Variants in RAB8B observed in about 807,000 individuals in gnomAD.
RAB8B encodes ras-related protein Rab-8B.
A neutral mutation model predicts 32.0 loss-of-function variants in RAB8B; 11 were observed. The observed-to-expected ratio is 0.34, with a 90% CI of 0.22 to 0.57. The LOEUF (loss-of-function observed/expected upper bound fraction) is 0.57, where lower values mean the gene tolerates loss of function less well. RAB8B is among the 20% of genes least tolerant of loss of function. The pLI is 0.86. For missense variants in RAB8B, 190 were observed against 258.5 expected, an observed-to-expected ratio of 0.73 and a Z score of 1.82; for synonymous variants, 103 against 89.6, an observed-to-expected ratio of 1.15 and a Z score of -0.85.
rs188209812 is a variant in RAB8B at position 63,208,195 on chromosome 15, T to A, written c.124+18447T>A. Among the ~76,000 whole-genome samples the A allele has an allele frequency of 2.3e-3, 354 of 152,322 alleles. 3 individuals are homozygous for A. Among genetic ancestry groups the A allele is most frequent in the African/African-American group, 8.3e-3 (344 of 41,564 alleles). On this transcript the variant is annotated intron_variant, in intron 1 of 7. Transcript: ENST00000321437. ...GTGTGGCTTCAGCTATATCTCTCTC[T>A]GTTTTTTACAGGAATCCTAAACTCT... is the stretch of plus-strand genomic sequence containing the variant.
At chr15:63,233,042 T>C (rs1386776402) in intron 1 of RAB8B, among the ~76,000 whole-genome samples, 1 of 132,574 alleles carries the variant, frequency 7.5e-6, no homozygotes, top group African/African-American at 2.7e-5. Context: ...TTTTTTTCAA[T>C]CTAAGTAGCA....
At chr15:63,263,410 A>C (rs984739047) in intron 7 of RAB8B, 117 bp from the exon 8 acceptor site, 2 of 513,062 alleles carry the variant, frequency 3.9e-6, no homozygotes, top group Admixed American at 7.1e-5. Context: ...TAGTGAATAC[A>C]CATTTCACTA....
chr15:63,191,429 T>C (rs767035286), intron 1 of RAB8B, among the ~76,000 whole-genome samples: 1 of 152,210 alleles, frequency 6.6e-6, no homozygotes, highest in Non-Finnish European at 1.5e-5. Flanking sequence ...TGTCTGGGCT[T>C]AGGGAAGTTT....
intron 1 of RAB8B, among the ~76,000 whole-genome samples, chr15:63,202,277 C>G (rs902501590): frequency 3.7e-5 from 3 of 81,858 alleles, no homozygotes; most frequent in Non-Finnish European, 8.0e-5. Context: ...GACTCCGTCT[C>G]AAAAAGAAAA....
intron 3 of RAB8B, among the ~76,000 whole-genome samples, chr15:63,252,569 G>T (rs1050920955): frequency 4.8e-5 from 7 of 147,202 alleles, no homozygotes; most frequent in Non-Finnish European, 7.6e-5. Context: ...TGTTCATACA[G>T]TCCAAAGGAT....
intron 1 of RAB8B, among the ~76,000 whole-genome samples, chr15:63,211,430 C>T (rs1041712117): frequency 6.6e-6 from 1 of 152,188 alleles, no homozygotes; most frequent in Non-Finnish European, 1.5e-5. Flanking sequence ...CACCATCTCT[C>T]TCATTGAGAT....
At chr15:63,198,419 A>G (rs1330210137) in intron 1 of RAB8B, among the ~76,000 whole-genome samples, 1 of 152,054 alleles carries the variant, frequency 6.6e-6, no homozygotes, top group Non-Finnish European at 1.5e-5. Context: ...GCTTGTTATC[A>G]TGTTCATCGT....
chr15:63,266,279 T>G lies in RAB8B; in HGVS notation c.*2660T>G, dbSNP rs1352914051. ...TTGGACTAGACCTTTTCAAATAGAG[T>G]CTGAGGGTATCAGACAGTGAAAATG... On this transcript the variant is annotated 3_prime_UTR_variant, in exon 8 of 8. Coordinates refer to ENST00000321437, the MANE Select transcript of RAB8B (RefSeq NM_016530.3). 6.6e-6 allele frequency: 1 copy of G among 152,476 alleles called. No homozygotes were observed. The highest frequency in any genetic ancestry group is 1.5e-5 in the Non-Finnish European group (1 of 67,962). The allele number at this position is 152,476 out of a possible 1,614,324, so 9.4% of individuals were successfully genotyped here.
chr15:63,223,363 C>T (rs966456918), intron 1 of RAB8B, among the ~76,000 whole-genome samples: 2 of 151,970 alleles, frequency 1.3e-5, no homozygotes, highest in African/African-American at 4.8e-5. Context: ...CCACTTGCCT[C>T]GGCCCCAAAG....
At chr15:63,233,758 G>T (rs1370844407) in intron 1 of RAB8B, among the ~76,000 whole-genome samples, 1 of 152,168 alleles carries the variant, frequency 6.6e-6, no homozygotes, top group African/African-American at 2.4e-5. Context: ...TATTCAGATA[G>T]CCTGGGATCA....
intron 1 of RAB8B, among the ~76,000 whole-genome samples, chr15:63,240,198 T>C (rs550100344): frequency 1.3e-5 from 2 of 152,140 alleles, no homozygotes; most frequent in African/African-American, 4.8e-5. Flanking sequence ...ACCACAGGGA[T>C]TGTTGCAAGT....
intron 1 of RAB8B, among the ~76,000 whole-genome samples, chr15:63,221,496 G>A (rs936981401): frequency 1.3e-5 from 2 of 152,104 alleles, no homozygotes; most frequent in Admixed American, 6.6e-5. Context: ...TGGCAACATC[G>A]CTGACTCAGT....
intron 1 of RAB8B, among the ~76,000 whole-genome samples, chr15:63,229,780 CAAAAAA>C (rs56015501): frequency 5.6e-5 from 2 of 35,972 alleles, no homozygotes; most frequent in Non-Finnish European, 1.3e-4. Context: ...GACGCTGTTT[CAAAAAA>C]AAAAAAAAAA....
chr15:63,193,472 A>G (rs1366990345), intron 1 of RAB8B, among the ~76,000 whole-genome samples: 1 of 152,154 alleles, frequency 6.6e-6, no homozygotes, highest in African/African-American at 2.4e-5. Flanking sequence ...ATGTTTGAAA[A>G]TTGAATTTTT....
chr15:63,250,378 A>G (rs1444969715), intron 3 of RAB8B, among the ~76,000 whole-genome samples: 2 of 152,042 alleles, frequency 1.3e-5, no homozygotes, highest in African/African-American at 4.8e-5. Flanking sequence ...CCCTGCCACC[A>G]TTATCTCTTA....
At chr15:63,254,926 C>G (rs1413452754) in intron 3 of RAB8B, among the ~76,000 whole-genome samples, 1 of 152,036 alleles carries the variant, frequency 6.6e-6, no homozygotes, top group Non-Finnish European at 1.5e-5. Flanking sequence ...AAAGAAATAC[C>G]AGACATGGAG....
chr15:63,238,210 A>G (rs1159385060), intron 1 of RAB8B, among the ~76,000 whole-genome samples: 1 of 151,124 alleles, frequency 6.6e-6, no homozygotes, highest in Non-Finnish European at 1.5e-5. Context: ...GTTTTTTGAG[A>G]TTGTATAGTC....
intron 1 of RAB8B, among the ~76,000 whole-genome samples, chr15:63,198,197 T>C (rs2037619252): frequency 6.6e-6 from 1 of 152,174 alleles, no homozygotes. Flanking sequence ...CATAAAGTGG[T>C]GGAAACAGTT....
intron 1 of RAB8B, among the ~76,000 whole-genome samples, chr15:63,198,915 G>A (rs2037625509): frequency 6.6e-6 from 1 of 152,218 alleles, no homozygotes; most frequent in African/African-American, 2.4e-5. Context: ...AAAAGAGTTT[G>A]TGTTGGGAGA....
Sources: gnomAD v4.1 joint callset for allele counts (sites outside exome capture counted in the v4.1 genomes callset) on GRCh38, gnomAD v4.1.1 for gene constraint, MANE v1.5 for transcripts, NCBI Gene and HGNC (gene_info 2026-07-23, HGNC 2026-07-21) for gene names.